The following ATP10D variants were observed in gnomAD, a reference collection of about 807,000 sequenced individuals.
ATP10D encodes phospholipid-transporting ATPase VD.
In ATP10D, 89 loss-of-function variants were observed where a neutral mutation model predicts 144.8. The observed-to-expected ratio is 0.61, with a 90% CI of 0.52 to 0.73. The LOEUF (loss-of-function observed/expected upper bound fraction) is 0.73. ATP10D is among the 30% of genes least tolerant of loss of function. ATP10D has a pLI of 0.00. For missense variants in ATP10D, 1,603 were observed against 1,714.8 expected (o/e 0.93, Z 1.15); for synonymous variants, 571 against 615.1 (o/e 0.93, Z 1.06).
intron 10 of ATP10D, 152 bp downstream of exon 10, chr4:47,547,014 G>A (rs1718476714): frequency 1.5e-6 from 1 of 680,298 alleles, no homozygotes. Context: ...CACATAATTA[G>A]AAGTATAAAC....
In ATP10D at chr4:47,560,995, T is replaced by C; in HGVS notation, c.2588T>C (p.Leu863Ser). 1 of 1,614,156 alleles carries C rather than the reference T, an allele frequency of 6.2e-7. No individual in the cohort carries two copies. Residue 863 changes from leucine (L) to serine (S), a missense_variant, in exon 14 of 23, where the codon TTA becomes TCA. Leu to Ser is a moderately radical substitution (Grantham distance 145). Coordinates refer to ENST00000273859, the MANE Select transcript of ATP10D (RefSeq NM_020453.4). ...GCAGAGTGGCTGAGGAATCATTTTTTAGCTGAAACCAGCATTGACAACAGG... is the reference window on the plus strand; with the variant it reads ...GCAGAGTGGCTGAGGAATCATTTTTCAGCTGAAACCAGCATTGACAACAGG... ...EYAEWLRNHF[L>S]AETSIDNREE...
intron 21 of ATP10D, among the ~76,000 whole-genome samples, chr4:47,582,584 G>A (rs748527611): frequency 1.6e-4 from 25 of 151,954 alleles, no homozygotes; most frequent in Non-Finnish European, 2.8e-4. Context: ...CCACATATTC[G>A]TGGGCTGGAA....
intron 22 of ATP10D, among the ~76,000 whole-genome samples, chr4:47,590,117 A>G (rs1720962294): frequency 6.6e-6 from 1 of 152,136 alleles, no homozygotes; most frequent in African/African-American, 2.4e-5. Flanking sequence ...GATCTTTCAA[A>G]TACTGGCAGA....
Position 47,568,880 on chromosome 4 carries a change from A to G in ATP10D, c.2897A>G (p.Gln966Arg). The G allele has an allele frequency of 3.1e-6, 5 of 1,614,186 alleles. No homozygotes were observed. The highest frequency in any genetic ancestry group is 1.1e-5 in the South Asian group (1 of 91,082). The part of the protein sequence containing the change: ...MLMSTILKEL[Q>R]KKTQALPEQV... Reference sequence around the variant, plus strand: ...ATGAGCACAATTTTGAAAGAACTTCAGAAGAAAACTCAAGCCCTGCCAGAG... The same window carrying G: ...ATGAGCACAATTTTGAAAGAACTTCGGAAGAAAACTCAAGCCCTGCCAGAG... The change falls in exon 16 of 23, where the codon CAG (glutamine) becomes CGG (arginine). Residue 966 changes from glutamine (Q) to arginine (R), a missense_variant. Transcript: ENST00000273859.
At position 47,568,986 on chromosome 4, in the gene ATP10D, G is replaced by A. The variant is rs1719798890; in HGVS notation, c.3003G>A (p.Gly1001=). The change falls in exon 16 of 23, where the codon GGG becomes GGA. Residue 1001 remains glycine, a synonymous_variant. Coordinates refer to ENST00000273859, the MANE Select transcript of ATP10D (RefSeq NM_020453.4). ...TACGAGCTGGACTCATTATCACTGG[G>A]AAGACCCTGGAGTTTGCCCTGCAAG... ...SGLRAGLIIT[G]KTLEFALQES... 3 of 1,614,068 alleles carry A rather than the reference G, an allele frequency of 1.9e-6. No homozygotes were observed. Among genetic ancestry groups the A allele is most frequent in the East Asian group, 2.2e-5 (1 of 44,886 alleles).
chr4:47,490,665 A>G (rs1223631350), intron 1 of ATP10D, among the ~76,000 whole-genome samples: 1 of 152,214 alleles, frequency 6.6e-6, no homozygotes, highest in Non-Finnish European at 1.5e-5. Context: ...AGAGGACAGG[A>G]GTGGAGCCAG....
intron 13 of ATP10D, chr4:47,560,192 A>ATT (rs1305299648): frequency 6.6e-6 from 1 of 152,190 alleles, no homozygotes; most frequent in Non-Finnish European, 1.5e-5. Context: ...AGAGAGGGGA[A>ATT]TTGCCTCACC....
chr4:47,585,095 G>A (rs191254895), intron 21 of ATP10D, among the ~76,000 whole-genome samples: 2 of 152,150 alleles, frequency 1.3e-5, no homozygotes, highest in East Asian at 3.9e-4. Flanking sequence ...TAATGTGAAG[G>A]TAATTCTGTT....
chr4:47,500,341 C>T (rs529084231), intron 1 of ATP10D, among the ~76,000 whole-genome samples: 21 of 152,174 alleles, frequency 1.4e-4, no homozygotes, highest in Non-Finnish European at 2.6e-4. Context: ...ATATGGAGCA[C>T]TGGAGGTGGC....
At chr4:47,526,313 C>T (rs111430853) in intron 5 of ATP10D, among the ~76,000 whole-genome samples, 36 of 152,168 alleles carry the variant, frequency 2.4e-4, no homozygotes, top group Middle Eastern at 6.8e-3. Flanking sequence ...CCATATTAAA[C>T]AAATCAAAAG....
At chr4:47,536,159 A>G (rs1357047490) in intron 7 of ATP10D, 126 bp downstream of exon 7, 1 of 1,172,248 alleles carries the variant, frequency 8.5e-7, no homozygotes, top group East Asian at 2.5e-5. Flanking sequence ...TTTACCTCAT[A>G]TCCTTGTCTC....
intron 18 of ATP10D, among the ~76,000 whole-genome samples, chr4:47,575,315 G>C (rs766450695): frequency 6.6e-5 from 10 of 152,080 alleles, no homozygotes; most frequent in Non-Finnish European, 1.3e-4. Flanking sequence ...CCCTCCTTGG[G>C]AGCACAGAGC....
chr4:47,517,014 AC>A (rs1161651425), intron 3 of ATP10D, among the ~76,000 whole-genome samples: 1 of 152,252 alleles, frequency 6.6e-6, no homozygotes, highest in Admixed American at 6.5e-5. Context: ...TATGTGATGA[AC>A]AAAGTCCAGA....
intron 18 of ATP10D, 49 bp from the exon 19 acceptor site, chr4:47,576,724 G>A: frequency 2.6e-6 from 4 of 1,535,752 alleles, no homozygotes; most frequent in Non-Finnish European, 3.6e-6. Flanking sequence ...TGTAATCATA[G>A]CACACATTAC....
intron 1 of ATP10D, among the ~76,000 whole-genome samples, chr4:47,504,478 A>G (rs904968260): frequency 2.0e-5 from 3 of 152,166 alleles, no homozygotes; most frequent in African/African-American, 7.2e-5. Flanking sequence ...GTCACAGATG[A>G]CACAGATTGG....
chr4:47,553,407 G>A (rs1718824411), intron 10 of ATP10D, among the ~76,000 whole-genome samples: 1 of 152,232 alleles, frequency 6.6e-6, no homozygotes, highest in African/African-American at 2.4e-5. Context: ...AATGAATTTA[G>A]ATAGAAACTT....
At chr4:47,561,362 T>C (rs1191922853) in intron 14 of ATP10D, among the ~76,000 whole-genome samples, 1 of 152,226 alleles carries the variant, frequency 6.6e-6, no homozygotes, top group Non-Finnish European at 1.5e-5. Flanking sequence ...ATAAATATCT[T>C]GGTTCAAATC....
intron 1 of ATP10D, among the ~76,000 whole-genome samples, chr4:47,504,232 C>T (rs1007971117): frequency 7.2e-5 from 11 of 152,198 alleles, no homozygotes; most frequent in African/African-American, 2.2e-4. Context: ...TATCCATAGA[C>T]GGTTCATACT....
chr4:47,491,170 G>A (rs1715056398), intron 1 of ATP10D: 1 of 742,794 alleles, frequency 1.3e-6, no homozygotes, highest in South Asian at 1.4e-5. Flanking sequence ...TCGCCTATTA[G>A]AGTGCTTAAT....
Sources: allele counts gnomAD v4.1 joint callset (sites outside exome capture counted in the v4.1 genomes callset), GRCh38; gene constraint gnomAD v4.1.1; transcripts MANE v1.5; gene names NCBI Gene and HGNC (gene_info 2026-07-23, HGNC 2026-07-21).